The following SYNJ1 variants were observed in gnomAD, a reference collection of about 807,000 sequenced individuals.
SYNJ1 encodes polyphosphatidylinositol phosphatase SYNJ1.
In SYNJ1, 78 loss-of-function variants were observed where a neutral mutation model predicts 168.2. That is an observed-to-expected ratio of 0.46 (90% CI 0.39 to 0.56). The LOEUF (loss-of-function observed/expected upper bound fraction) is 0.56. Ranked by LOEUF, SYNJ1 falls within the 20% of genes least tolerant of loss-of-function variation. SYNJ1 has a pLI of 0.00. For synonymous variants in SYNJ1, 539 were observed against 548.6 expected (o/e 0.98, Z 0.24); for missense variants, 1,303 against 1,597.6 (o/e 0.82, Z 3.14).
intron 2 of SYNJ1, among the ~76,000 whole-genome samples, chr21:32,709,781 G>A (rs1260048915): frequency 6.6e-6 from 1 of 151,852 alleles, no homozygotes; most frequent in Non-Finnish European, 1.5e-5. Flanking sequence ...GCTTCCCAAA[G>A]TGCTGGGATT....
At chr21:32,645,897 G>T in intron 24 of SYNJ1, 108 bp from the exon 25 acceptor site, 1 of 1,427,024 alleles carries the variant, frequency 7.0e-7, no homozygotes, top group Non-Finnish European at 9.6e-7. Context: ...GCACAATGGT[G>T]TAAAGAAAGG....
rs376590419 is a variant in SYNJ1 at position 32,646,556 on chromosome 21, C to A, written c.3084G>T (p.Gln1028His). 1 of 1,613,980 alleles carries A rather than the reference C, an allele frequency of 6.2e-7. No individual in the cohort carries two copies. The highest frequency in any genetic ancestry group is 1.3e-5 in the African/African-American group (1 of 74,896). ...CGGAACTTGAAGATGGCTGGAGATG[C>A]TGAGGAAGAAGTTCCTCCACTTCAG... The part of the protein sequence containing the change: ...YSAEVEELLP[Q>H]HLQPSSSSGL... The change falls in exon 24 of 33, where the codon CAG (glutamine) becomes CAT (histidine). Residue 1028 changes from glutamine to histidine, a missense_variant. Around this residue, in one of 2 missense-constraint regions of SYNJ1, gnomAD observed 383 missense variants for 388.8 expected, o/e 0.99. Transcript: ENST00000674351.
At chr21:32,708,644 A>G (rs192530298) in intron 2 of SYNJ1, among the ~76,000 whole-genome samples, 5 of 152,360 alleles carry the variant, frequency 3.3e-5, no homozygotes, top group Admixed American at 2.6e-4. Context: ...AGTTTCTGCT[A>G]TAACACCTCA....
chr21:32,726,688 C>A, intron 2 of SYNJ1, 84 bp downstream of exon 2: 1 of 1,526,608 alleles, frequency 6.6e-7, no homozygotes, highest in Middle Eastern at 1.7e-4. Flanking sequence ...GGTTGTCGGG[C>A]TCTTTTCTAA....
At chr21:32,644,813 T>G (rs1360022208) in intron 26 of SYNJ1, among the ~76,000 whole-genome samples, 155 bp downstream of exon 26, 1 of 152,222 alleles carries the variant, frequency 6.6e-6, no homozygotes, top group Non-Finnish European at 1.5e-5. Context: ...CCAGCCTACC[T>G]GGGAAATGAA....
At chr21:32,705,275 T>C (rs2042567731) in intron 2 of SYNJ1, among the ~76,000 whole-genome samples, 1 of 152,076 alleles carries the variant, frequency 6.6e-6, no homozygotes, top group African/African-American at 2.4e-5. Flanking sequence ...TCCTTAGCAC[T>C]AGCCACTGAG....
intron 2 of SYNJ1, among the ~76,000 whole-genome samples, chr21:32,704,662 G>C (rs576665684): frequency 6.6e-6 from 1 of 152,200 alleles, no homozygotes; most frequent in Non-Finnish European, 1.5e-5. Context: ...GCTTGAGAGG[G>C]ATGGGAAAGG....
chr21:32,674,910 G>C (rs1022947042), intron 13 of SYNJ1, among the ~76,000 whole-genome samples: 15 of 152,128 alleles, frequency 9.9e-5, no homozygotes, highest in African/African-American at 3.6e-4. Context: ...AGATAATTTT[G>C]ACCTGTGGAA....
At chr21:32,718,016 G>C (rs1318425527) in intron 2 of SYNJ1, among the ~76,000 whole-genome samples, 2 of 152,132 alleles carry the variant, frequency 1.3e-5, no homozygotes. Context: ...TTTGTTCAAG[G>C]TCTGCAAATC....
intron 2 of SYNJ1, among the ~76,000 whole-genome samples, chr21:32,714,041 T>C (rs1008739149): frequency 2.6e-5 from 4 of 152,224 alleles, no homozygotes; most frequent in African/African-American, 7.2e-5. Flanking sequence ...GTTCATTCTA[T>C]AATAATATAT....
chr21:32,662,223 C>T (rs2040737728), intron 18 of SYNJ1, among the ~76,000 whole-genome samples: 1 of 152,124 alleles, frequency 6.6e-6, no homozygotes, highest in Non-Finnish European at 1.5e-5. Context: ...CTACGCACGG[C>T]CGAGGCATGA....
In SYNJ1 at chr21:32,666,102, C is replaced by A; in HGVS notation, c.1986G>T (p.Met662Ile). 1 of 1,611,748 alleles carries A rather than the reference C, an allele frequency of 6.2e-7. No homozygotes were observed. The highest frequency in any genetic ancestry group is 8.5e-7 in the Non-Finnish European group (1 of 1,179,152). The change falls in exon 17 of 33, where the codon ATG (methionine) becomes ATT (isoleucine). Residue 662 changes from methionine to isoleucine, a missense_variant. Physicochemically the swap from Met to Ile is conservative, Grantham distance 10. Around this residue, in one of 2 missense-constraint regions of SYNJ1, gnomAD observed 920 missense variants for 1,208.8 expected, o/e 0.76. Transcript: ENST00000674351. The part of the protein sequence containing the change: ...DVAVDTVKTG[M>I]GGATGNKGAV... ...CTCCCTTATTTCCAGTTGCACCTCC[C>A]ATTCCAGTCTTCACAGTATCAACTG...
intron 10 of SYNJ1, among the ~76,000 whole-genome samples, chr21:32,682,383 T>C (rs934314705): frequency 2.3e-4 from 35 of 152,358 alleles, no homozygotes; most frequent in African/African-American, 8.4e-4. Flanking sequence ...TTCTATGCCT[T>C]GCATTTTAAC....
rs769954720 is a variant in SYNJ1 at position 32,631,192 on chromosome 21, T to G, written c.*613A>C. The G allele has an allele frequency of 2.1e-5, 34 of 1,614,198 alleles. No homozygotes were observed. Among genetic ancestry groups the G allele is most frequent in the Non-Finnish European group, 2.8e-5 (33 of 1,180,026 alleles). ...GTCAGGTTGGAGCCAGAAAATGAAC[T>G]TGGCTGATTACCCAGTAAGTCTGAA... On this transcript the variant is annotated 3_prime_UTR_variant, in exon 33 of 33. Transcript: ENST00000674351.
chr21:32,673,208 G>C (rs765030151), intron 14 of SYNJ1, 132 bp downstream of exon 14: 4 of 642,466 alleles, frequency 6.2e-6, no homozygotes, highest in Non-Finnish European at 9.3e-6. Context: ...TAAAGATGTT[G>C]TTGGTCTTCA....
chr21:32,640,261 A>T (rs1825004887), intron 29 of SYNJ1, among the ~76,000 whole-genome samples: 1 of 151,808 alleles, frequency 6.6e-6, no homozygotes, highest in Admixed American at 6.6e-5. Context: ...CTGAGCAACT[A>T]GGAGACTTTG....
At chr21:32,728,156 C>G (rs2080140681), upstream of SYNJ1, 2 of 1,270,726 alleles carry the variant, frequency 1.6e-6, no homozygotes, top group African/African-American at 1.6e-5. Context: ...GCGGGCGGCC[C>G]CAGCCTCAGT....
At chr21:32,709,521 G>GTTT (rs368352218) in intron 2 of SYNJ1, among the ~76,000 whole-genome samples, 3 of 127,964 alleles carry the variant, frequency 2.3e-5, no homozygotes, top group South Asian at 2.7e-4. Context: ...TTTATGGAGT[G>GTTT]TTTTTTTTTT....
chr21:32,654,584 A>G (rs2040393884), intron 21 of SYNJ1, among the ~76,000 whole-genome samples: 1 of 152,156 alleles, frequency 6.6e-6, no homozygotes, highest in South Asian at 2.1e-4. Context: ...AGGTACCAAC[A>G]CTTTTGTGGT....
Sources: allele counts gnomAD v4.1 joint callset (sites outside exome capture counted in the v4.1 genomes callset), GRCh38; gene constraint gnomAD v4.1.1; regional missense constraint gnomAD v4.1.1; transcripts MANE v1.5; gene names NCBI Gene and HGNC (gene_info 2026-07-23, HGNC 2026-07-21).